ZC3H12A: variants seen among roughly 807,000 people sequenced by gnomAD.
The protein encoded by ZC3H12A is zinc finger CCCH-type containing 12A.
Under a neutral mutation model 29.9 loss-of-function variants are expected in ZC3H12A, and 9 were observed. The ratio of observed to expected loss-of-function variants is 0.30; its 90% CI spans 0.18 to 0.53. The LOEUF is 0.53. Ranked by LOEUF, ZC3H12A falls within the 20% of genes least tolerant of loss-of-function variation. The pLI is 0.96. For synonymous variants in ZC3H12A, 323 were observed against 338.1 expected, an observed-to-expected ratio of 0.96 and a Z score of 0.49; for missense variants, 617 against 799.0, an observed-to-expected ratio of 0.77 and a Z score of 2.75.
In ZC3H12A at chr1:37,482,909, TCTG is replaced by T; in HGVS notation, c.1101_1103del (p.Leu368del). On this transcript the variant is annotated inframe_deletion, in exon 6 of 6. Coordinates refer to ENST00000373087, the MANE Select transcript of ZC3H12A (RefSeq NM_025079.3). ...CTTCACCTTCATCCCAGTCCAGCTC[TCTG>T]CTAACAGAGAGTGAGCAGTGCAGCC... 1 of 1,613,742 alleles carries T rather than the reference TCTG, an allele frequency of 6.2e-7. No individual in the cohort carries two copies. The highest frequency in any genetic ancestry group is 8.5e-7 in the Non-Finnish European group (1 of 1,180,024).
At position 37,482,988 on chromosome 1, in the gene ZC3H12A, G is replaced by T. The variant is rs746901360; in HGVS notation, c.1177G>T (p.Gly393Cys). The T allele has an allele frequency of 6.2e-7, 1 of 1,611,000 alleles. No individual in the cohort carries two copies. The highest frequency in any genetic ancestry group is 8.5e-7 in the Non-Finnish European group (1 of 1,178,798). ...GGCATCCCCAGGGTCCCGCCAAGAG[G>T]GTCTAACACAGACCTATGCCCCATC... ...AQASPGSRQE[G>C]LTQTYAPSGR... Residue 393 changes from glycine to cysteine, a missense_variant, in exon 6 of 6, where the codon GGT becomes TGT. Transcript: ENST00000373087.
rs991107851 is a variant in ZC3H12A at position 37,476,179 on chromosome 1, TCCCTC to T, written c.443+243_443+247del. ...CGCAGAGCTTACCTTATGCTGTGGG[TCCCTC>T]CCTGAGGCCAGCACTGTGTCTCCAC... is the stretch of plus-strand genomic sequence containing the variant. On this transcript the variant is annotated intron_variant, in intron 2 of 5. Coordinates refer to ENST00000373087, the MANE Select transcript of ZC3H12A (RefSeq NM_025079.3). The surrounding 1 kb of genome is among the most constrained non-coding windows in gnomAD (Gnocchi z 6.0). Among the ~76,000 whole-genome samples the T allele has an allele frequency of 2.8e-4, 43 of 152,032 alleles. No homozygotes were observed. Among genetic ancestry groups the T allele is most frequent in the African/African-American group, 9.7e-4 (40 of 41,392 alleles).
intron 3 of ZC3H12A, 103 bp from the exon 4 acceptor site, chr1:37,481,498 C>T (rs1392580278): frequency 1.4e-5 from 16 of 1,138,250 alleles, no homozygotes; most frequent in African/African-American, 6.3e-5. Context: ...GTGACCTTGG[C>T]GTTAACCACT....
chr1:37,476,614 G>A lies in ZC3H12A; in HGVS notation c.443+675G>A, dbSNP rs574373528. Among the ~76,000 whole-genome samples the A allele has an allele frequency of 1.4e-3, 212 of 152,276 alleles. 5 individuals are homozygous for A. The South Asian group carries it at 0.041, about 29-fold the overall frequency. On this transcript the variant is annotated intron_variant, in intron 2 of 5. Coordinates refer to ENST00000373087, the MANE Select transcript of ZC3H12A (RefSeq NM_025079.3). This position sits in a 1 kb window ranked among gnomAD's most constrained non-coding sequence, Gnocchi z 6.0. ...CTGGACCAGTCTCTGGAGGTTCCCC[G>A]GGGCCAGAGCCAGGACTCAGCCCCC...
At chr1:37,482,143 T>G (rs565535226) in intron 4 of ZC3H12A, among the ~76,000 whole-genome samples, 1 of 152,272 alleles carries the variant, frequency 6.6e-6, no homozygotes, top group Non-Finnish European at 1.5e-5. Flanking sequence ...ACATGGCATC[T>G]CTCGAGCAGA....
At position 37,483,572 on chromosome 1, in the gene ZC3H12A, C is replaced by T. The variant is rs1557596981; in HGVS notation, c.1761C>T (p.Ala587=). ...TCCTGGACCCCCAGCAGCTGGCTGC[C>T]GAGATCCTCTCCTACAAGTCCCAGC... ...PQLLDPQQLA[A]EILSYKSQHP... is the part of the protein sequence containing the mutation. The change falls in exon 6 of 6, where the codon GCC becomes GCT. Residue 587 remains alanine (A), a synonymous_variant. Coordinates refer to ENST00000373087, the MANE Select transcript of ZC3H12A (RefSeq NM_025079.3). 3.1e-6 allele frequency: 5 copies of T among 1,612,098 alleles called. No individual in the cohort carries two copies. The highest frequency in any genetic ancestry group is 2.5e-6 in the Non-Finnish European group (3 of 1,179,548).
At chr1:37,480,036 C>A (rs1485539140) in intron 2 of ZC3H12A, 1 of 1,223,678 alleles carries the variant, frequency 8.2e-7, no homozygotes, top group Non-Finnish European at 1.0e-6. Context: ...CCCAGCGGGG[C>A]CTGGCCATCC....
Position 37,475,012 on chromosome 1 carries a change from TG to T in ZC3H12A, c.-39+384del, listed in dbSNP as rs1557591414. ...GGGAGTCCGGCCATGGGCCTTGCGC[TG>T]CCTGGGCCTGAGCTCTGAGTGCCGG... On this transcript the variant is annotated intron_variant, in intron 1 of 5. Transcript: ENST00000373087. The surrounding 1 kb of genome is among the most constrained non-coding windows in gnomAD (Gnocchi z 5.2). Among the ~76,000 whole-genome samples the T allele has an allele frequency of 2.0e-5, 3 of 152,218 alleles. No homozygotes were observed. Among genetic ancestry groups the T allele is most frequent in the African/African-American group, 7.2e-5 (3 of 41,458 alleles).
rs565746727 is a variant in ZC3H12A at position 37,476,403 on chromosome 1, G to T, written c.443+464G>T. Among the ~76,000 whole-genome samples the T allele has an allele frequency of 6.6e-6, 1 of 152,300 alleles. No homozygotes were observed. The highest frequency in any genetic ancestry group is 2.4e-5 in the African/African-American group (1 of 41,566). ...TAGCAGTTGTTGTTGTTATTTCAGG[G>T]GCTGGGCTTCTGAGGCCTTCTTGTC... is the stretch of plus-strand genomic sequence containing the variant. On this transcript the variant is annotated intron_variant, in intron 2 of 5. Coordinates refer to ENST00000373087, the MANE Select transcript of ZC3H12A (RefSeq NM_025079.3). This position sits in a 1 kb window ranked among gnomAD's most constrained non-coding sequence, Gnocchi z 6.0.
In ZC3H12A at chr1:37,481,704, TG is replaced by T; in HGVS notation, c.688del (p.Val230Ter). On this transcript the variant is annotated frameshift_variant, in exon 4 of 6. Transcript: ENST00000373087. LOFTEE classifies it high-confidence loss of function. ...RVVCYDDRFI[V>X]KLAYESDGIV... is the part of the protein sequence containing the mutation. ...TGGTGTGCTATGACGACAGATTCAT[TG>T]TGAAGCTGGCCTACGAGTCTGACGG... The T allele has an allele frequency of 1.2e-6, 2 of 1,614,212 alleles. No homozygotes were observed. Among genetic ancestry groups the T allele is most frequent in the Non-Finnish European group, 1.7e-6 (2 of 1,180,036 alleles).
At position 37,479,978 on chromosome 1, in the gene ZC3H12A, C is replaced by T; in HGVS notation, c.444-312C>T. The T allele has an allele frequency of 1.8e-6, 2 of 1,117,316 alleles. No homozygotes were observed. Among genetic ancestry groups the T allele is most frequent in the Non-Finnish European group, 2.2e-6 (2 of 909,964 alleles). The allele number at this position is 1,117,316 out of a possible 1,614,324, so 69.2% of individuals were successfully genotyped here. A position where few individuals can be genotyped will look rare whatever the true frequency, so the allele number is the denominator to read the frequency against. On this transcript the variant is annotated intron_variant, in intron 2 of 5. Coordinates refer to ENST00000373087, the MANE Select transcript of ZC3H12A (RefSeq NM_025079.3). The surrounding 1 kb of genome is among the most constrained non-coding windows in gnomAD (Gnocchi z 4.5). Reference sequence around the variant, plus strand: ...CCACCGTGGGGAGCAGTGCTGCCAGCTTCCTGGGCGCTTCCTCACTTTCAG... The same window carrying T: ...CCACCGTGGGGAGCAGTGCTGCCAGTTTCCTGGGCGCTTCCTCACTTTCAG...
In ZC3H12A at chr1:37,478,543, AGCTCAGTGCCTGCGAATCCCT is replaced by A. The variant is rs1353778338; in HGVS notation, c.444-1741_444-1721del. ...AGCCATATATCTGGCCACCAGCGGG[AGCTCAGTGCCTGCGAATCCCT>A]GCTCATTCCCTGCGATCAGGGTCTG... On this transcript the variant is annotated intron_variant, in intron 2 of 5. Coordinates refer to ENST00000373087, the MANE Select transcript of ZC3H12A (RefSeq NM_025079.3). This position sits in a 1 kb window ranked among gnomAD's most constrained non-coding sequence, Gnocchi z 5.2. Among the ~76,000 whole-genome samples the A allele has an allele frequency of 6.6e-5, 10 of 152,228 alleles. No individual in the cohort carries two copies. The South Asian group carries it at 1.2e-3, about 19-fold the overall frequency.
rs1374396872 is a variant in ZC3H12A, at chr1:37,484,004, C to T, written c.*393C>T. The T allele has an allele frequency of 1.1e-5, 2 of 184,668 alleles. No individual in the cohort carries two copies. Among genetic ancestry groups the T allele is most frequent in the Non-Finnish European group, 2.3e-5 (2 of 88,008 alleles). The allele number at this position is 184,668 out of a possible 1,614,324, so 11.4% of individuals were successfully genotyped here. On this transcript the variant is annotated 3_prime_UTR_variant, in exon 6 of 6. Transcript: ENST00000373087. Reference sequence around the variant, plus strand: ...TGCACGCCACCCCACTTCCGCCCTACCCCTGGGACGTTGGCCTTGGCTGGC... The same window carrying T: ...TGCACGCCACCCCACTTCCGCCCTATCCCTGGGACGTTGGCCTTGGCTGGC...
chr1:37,482,299 G>A (rs773410294), intron 4 of ZC3H12A, 135 bp from the exon 5 acceptor site: 11 of 730,810 alleles, frequency 1.5e-5, no homozygotes, highest in Admixed American at 5.3e-5. Flanking sequence ...GCAGTTTTGC[G>A]GGGTCCTGGA....
rs1385888975 is a variant in ZC3H12A at position 37,478,964 on chromosome 1, C to T, written c.444-1326C>T. 1 of 985,064 alleles carries T rather than the reference C, an allele frequency of 1.0e-6. No homozygotes were observed. Among genetic ancestry groups the T allele is most frequent in the Non-Finnish European group, 1.2e-6 (1 of 829,860 alleles). 61.0% of individuals were successfully genotyped at this position (985,064 alleles called of 1,614,324 possible). On this transcript the variant is annotated intron_variant, in intron 2 of 5. Transcript: ENST00000373087. The surrounding 1 kb of genome is among the most constrained non-coding windows in gnomAD (Gnocchi z 5.2). Reference sequence around the variant, plus strand: ...TTCAGACCCTGGTGCCCCAGTCTTGCCCCCAAATAGCCTCCATGGCCCCCA... The same window carrying T: ...TTCAGACCCTGGTGCCCCAGTCTTGTCCCCAAATAGCCTCCATGGCCCCCA...
intron 4 of ZC3H12A, 55 bp downstream of exon 4, chr1:37,481,890 G>A: frequency 6.4e-7 from 1 of 1,554,400 alleles, no homozygotes; most frequent in Non-Finnish European, 8.8e-7. Flanking sequence ...GGAAGCCAGA[G>A]GTGCCCTTGG....
intron 2 of ZC3H12A, 127 bp from the exon 3 acceptor site, chr1:37,480,163 G>A: frequency 6.9e-7 from 1 of 1,458,746 alleles, no homozygotes. Context: ...AAAGGGGAAG[G>A]GACTGCTCAC....
chr1:37,480,725 G>A (rs994055734), intron 3 of ZC3H12A, among the ~76,000 whole-genome samples: 2 of 152,146 alleles, frequency 1.3e-5, no homozygotes, highest in Admixed American at 6.5e-5. Context: ...TAAGCCTGTG[G>A]GCTCTGAGTC....
rs560157378 is a variant in ZC3H12A, at chr1:37,474,862, G to A, written c.-39+233G>A. Among the ~76,000 whole-genome samples, 5 of 152,262 alleles carry A rather than the reference G, an allele frequency of 3.3e-5. No individual in the cohort carries two copies. The South Asian group carries it at 1.0e-3, about 32-fold the overall frequency. ...CACCAGGTTCCTGATCGGGATCGCG[G>A]GCCGAGCAAGCGCGGGTCTCGGGCC... On this transcript the variant is annotated intron_variant, in intron 1 of 5. Transcript: ENST00000373087.
Sources: allele counts gnomAD v4.1 joint callset (sites outside exome capture counted in the v4.1 genomes callset), GRCh38; gene constraint gnomAD v4.1.1; non-coding constraint Gnocchi (gnomAD v3.1); transcripts MANE v1.5; gene names NCBI Gene and HGNC (gene_info 2026-07-23, HGNC 2026-07-21).